The following TRPC7 variants were observed in gnomAD, a reference collection of about 807,000 sequenced individuals.
The protein encoded by TRPC7 is short transient receptor potential channel 7.
A neutral mutation model predicts 90.1 loss-of-function variants in TRPC7; 42 were observed. The ratio of observed to expected loss-of-function variants is 0.47; its 90% CI spans 0.36 to 0.60. TRPC7 has a LOEUF of 0.60. TRPC7 is among the 20% of genes least tolerant of loss of function. The probability of loss-of-function intolerance (pLI) is 0.00; values close to 1 mark genes in which losing one functional copy is unlikely to be tolerated. For synonymous variants in TRPC7, 451 were observed against 436.3 expected (o/e 1.03, Z -0.42); for missense variants, 955 against 1,112.3 (o/e 0.86, Z 2.01).
chr5:136,280,106 G>A (rs946034411), intron 3 of TRPC7, among the ~76,000 whole-genome samples: 2 of 152,196 alleles, frequency 1.3e-5, no homozygotes, highest in African/African-American at 4.8e-5. Flanking sequence ...GCTGCAGTGA[G>A]CCGAGATTGC....
intron 8 of TRPC7, chr5:136,226,492 C>CCG: frequency 1.9e-6 from 1 of 539,404 alleles, no homozygotes; most frequent in Admixed American, 3.5e-5. Context: ...TCGACCAGTT[C>CCG]ATATTAACCG....
At chr5:136,216,752 G>T (rs1343523045) in intron 10 of TRPC7, among the ~76,000 whole-genome samples, 1 of 152,228 alleles carries the variant, frequency 6.6e-6, no homozygotes, top group Non-Finnish European at 1.5e-5. Flanking sequence ...TTCATGAAGA[G>T]ATCCGCTGGG....
chr5:136,356,815 C>T lies in TRPC7; in HGVS notation c.573G>A (p.Glu191=). Reference sequence around the variant, plus strand: ...ACTTGCAGAAGTAGTCGTGGGGCCGCTCGATGCGGGCGCCCTTGAGCAGCA... The same window carrying T: ...ACTTGCAGAAGTAGTCGTGGGGCCGTTCGATGCGGGCGCCCTTGAGCAGCA... ...HILLLKGARI[E]RPHDYFCKCN... Residue 191 remains glutamate, a synonymous_variant, in exon 2 of 12, where the codon GAG becomes GAA. Coordinates refer to ENST00000513104, the MANE Select transcript of TRPC7 (RefSeq NM_020389.3). 1.9e-6 allele frequency: 3 copies of T among 1,613,500 alleles called. No homozygotes were observed. Among genetic ancestry groups the T allele is most frequent in the Non-Finnish European group, 2.5e-6 (3 of 1,179,636 alleles).
intron 5 of TRPC7, among the ~76,000 whole-genome samples, chr5:136,256,324 A>G (rs1489707999): frequency 6.6e-6 from 1 of 152,076 alleles, no homozygotes; most frequent in Non-Finnish European, 1.5e-5. Context: ...CTCTGACCTC[A>G]AGTTAGTGCA....
chr5:136,267,737 G>C (rs1757079933), intron 4 of TRPC7, among the ~76,000 whole-genome samples: 1 of 152,156 alleles, frequency 6.6e-6, no homozygotes, highest in South Asian at 2.1e-4. Flanking sequence ...TTAAAATAAA[G>C]TATTAGTTTT....
Position 136,231,569 on chromosome 5 carries a change from C to G in TRPC7, c.1845-20G>C. 6.4e-7 allele frequency: 1 copy of G among 1,567,616 alleles called. No homozygotes were observed. The highest frequency in any genetic ancestry group is 8.7e-7 in the Non-Finnish European group (1 of 1,150,182). On this transcript the variant is annotated intron_variant, in intron 7 of 11. Coordinates refer to ENST00000513104, the MANE Select transcript of TRPC7 (RefSeq NM_020389.3). ...TCAACCCTGCAAAGAAACAGACGGT[C>G]CTTTTACGCAGTTTGCATCAGCTTG... is the stretch of plus-strand genomic sequence containing the variant.
intron 7 of TRPC7, among the ~76,000 whole-genome samples, chr5:136,241,924 C>A (rs945390088): frequency 6.6e-6 from 1 of 152,184 alleles, no homozygotes. Context: ...TTTTATTTCT[C>A]TTTTTCTAAC....
chr5:136,363,927 A>G (rs895105036), intron 1 of TRPC7, among the ~76,000 whole-genome samples: 2 of 152,190 alleles, frequency 1.3e-5, no homozygotes, highest in African/African-American at 4.8e-5. Context: ...GAGCTGAAAC[A>G]AGTTTTGATA....
chr5:136,301,364 A>T (rs952068910), intron 3 of TRPC7, among the ~76,000 whole-genome samples: 1 of 107,490 alleles, frequency 9.3e-6, no homozygotes, highest in African/African-American at 3.9e-5. Flanking sequence ...TTTTTTTAAC[A>T]AATCATAGTT....
chr5:136,240,923 T>C (rs576868558), intron 7 of TRPC7, among the ~76,000 whole-genome samples: 135 of 152,248 alleles, frequency 8.9e-4, no homozygotes, highest in African/African-American at 3.0e-3. Context: ...TCCAAAAGGA[T>C]CATCTGAAGC....
intron 8 of TRPC7, among the ~76,000 whole-genome samples, chr5:136,228,378 G>A (rs1170921522): frequency 6.6e-6 from 1 of 151,758 alleles, no homozygotes; most frequent in Non-Finnish European, 1.5e-5. Flanking sequence ...GCAGTAAGGA[G>A]CAGGGGAGAA....
rs750933488 is a variant in TRPC7 at position 136,357,106 on chromosome 5, C to T, written c.282G>A (p.Thr94=). 5.0e-6 allele frequency: 8 copies of T among 1,613,974 alleles called. No homozygotes were observed. In the South Asian group the frequency reaches 5.5e-5, roughly 11 times the overall value. Residue 94 remains threonine, a synonymous_variant, in exon 2 of 12, where the codon ACG becomes ACA. Transcript: ENST00000513104. Reference sequence around the variant, plus strand: ...GGTTCTCCTTCTTCAGCAGCAGCTCCGTGACCTCTAGGTGCTCGTTGCCCA... The same window carrying T: ...GGTTCTCCTTCTTCAGCAGCAGCTCTGTGACCTCTAGGTGCTCGTTGCCCA... The part of the protein sequence containing the change: ...LAVGNEHLEV[T]ELLLKKENLA...
intron 3 of TRPC7, among the ~76,000 whole-genome samples, chr5:136,294,036 G>GGAA (rs1758064968): frequency 2.0e-5 from 3 of 152,298 alleles, no homozygotes; most frequent in African/African-American, 7.2e-5. Flanking sequence ...AACAAGCAAT[G>GGAA]AGGAAAGGAT....
chr5:136,306,917 C>T (rs999673181), intron 3 of TRPC7, among the ~76,000 whole-genome samples: 14 of 152,340 alleles, frequency 9.2e-5, no homozygotes, highest in Admixed American at 4.6e-4. Context: ...CACCACCCTT[C>T]GCTGACTCTC....
At chr5:136,223,967 T>A (rs1250986873) in intron 10 of TRPC7, among the ~76,000 whole-genome samples, 2 of 152,234 alleles carry the variant, frequency 1.3e-5, no homozygotes, top group Non-Finnish European at 2.9e-5. Flanking sequence ...GCCTGTCATC[T>A]GATAGAACTA....
At chr5:136,354,714 G>T (rs1383323695) in intron 2 of TRPC7, among the ~76,000 whole-genome samples, 1 of 152,210 alleles carries the variant, frequency 6.6e-6, no homozygotes, top group Non-Finnish European at 1.5e-5. Flanking sequence ...CCTTAAAAGT[G>T]CTCAGCCTGA....
intron 3 of TRPC7, chr5:136,314,259 G>C (rs1758934074): frequency 6.6e-6 from 1 of 152,186 alleles, no homozygotes; most frequent in Non-Finnish European, 1.5e-5. Flanking sequence ...ACCACTGCCT[G>C]ACAGCCTCCA....
At chr5:136,355,524 T>C (rs1413715450) in intron 2 of TRPC7, among the ~76,000 whole-genome samples, 3 of 152,086 alleles carry the variant, frequency 2.0e-5, no homozygotes, top group East Asian at 1.9e-4. Context: ...CTTGGCCAGG[T>C]GTGGTGGCTC....
At position 136,357,254 on chromosome 5, in the gene TRPC7, T is replaced by C; in HGVS notation, c.134A>G (p.Glu45Gly). Reference protein sequence around the residue: ...EKGTSLTPEEERFLDSAEYGN... With the variant: ...EKGTSLTPEEGRFLDSAEYGN... ...ATACTCAGCCGAGTCCAGGAAGCGC[T>C]CCTCCTCGGGCGTCAGACTGGTGCC... The change falls in exon 2 of 12, where the codon GAG becomes GGG. Residue 45 changes from glutamate to glycine, a missense_variant. Around this residue, in one of 4 missense-constraint regions of TRPC7, gnomAD observed 161 missense variants for 145.7 expected, o/e 1.10. Coordinates refer to ENST00000513104, the MANE Select transcript of TRPC7 (RefSeq NM_020389.3). 6.2e-7 allele frequency: 1 copy of C among 1,613,612 alleles called. No homozygotes were observed. The highest frequency in any genetic ancestry group is 1.1e-5 in the South Asian group (1 of 91,062).
Sources: allele counts gnomAD v4.1 joint callset (sites outside exome capture counted in the v4.1 genomes callset), GRCh38; gene constraint gnomAD v4.1.1; regional missense constraint gnomAD v4.1.1; transcripts MANE v1.5; gene names NCBI Gene and HGNC (gene_info 2026-07-23, HGNC 2026-07-21).